The following OSBPL1A variants were observed in gnomAD, a reference collection of about 807,000 sequenced individuals.
OSBPL1A encodes oxysterol binding protein like 1A.
In OSBPL1A, 80 loss-of-function variants were observed where a neutral mutation model predicts 137.1. The ratio of observed to expected loss-of-function variants is 0.58; its 90% confidence interval spans 0.49 to 0.70. OSBPL1A has a LOEUF of 0.70. Ranked by LOEUF, OSBPL1A falls within the 30% of genes least tolerant of loss-of-function variation. The pLI, the probability that OSBPL1A is intolerant of heterozygous loss-of-function variation, is 0.00. For synonymous variants in OSBPL1A, 365 were observed against 389.7 expected, an observed-to-expected ratio of 0.94 and a Z score of 0.75; for missense variants, 970 against 1,129.4, an observed-to-expected ratio of 0.86 and a Z score of 2.02.
chr18:24,332,759 C>T (rs1362417964), intron 7 of OSBPL1A, among the ~76,000 whole-genome samples, 183 bp downstream of exon 7: 8 of 152,078 alleles, frequency 5.3e-5, no homozygotes, highest in African/African-American at 1.9e-4. Context: ...TTATCTTTTC[C>T]TTGAGGGTAG....
chr18:24,381,164 A>T (rs1906566676), intron 1 of OSBPL1A, among the ~76,000 whole-genome samples: 1 of 152,140 alleles, frequency 6.6e-6, no homozygotes, highest in South Asian at 2.1e-4. Context: ...CTTGAGCTCA[A>T]CTCTGAATAC....
intron 15 of OSBPL1A, chr18:24,272,072 C>T: frequency 1.0e-6 from 1 of 982,202 alleles, no homozygotes; most frequent in Non-Finnish European, 1.2e-6. Flanking sequence ...GCGCCGCTGG[C>T]GGGCGGAGGC....
chr18:24,311,137 C>CA (rs11423419), intron 13 of OSBPL1A, among the ~76,000 whole-genome samples: 47,275 of 151,924 alleles, frequency 0.31, 7,854 homozygotes, highest in Middle Eastern at 0.35. Flanking sequence ...TTGAAAGAGT[C>CA]AAAATACCTT....
chr18:24,206,972 T>C (rs2087392864), intron 17 of OSBPL1A, among the ~76,000 whole-genome samples: 1 of 152,220 alleles, frequency 6.6e-6, no homozygotes, highest in African/African-American at 2.4e-5. Flanking sequence ...ATTTTGCATA[T>C]GACAGGTGCT....
intron 2 of OSBPL1A, among the ~76,000 whole-genome samples, chr18:24,370,501 G>T (rs1464909110): frequency 6.6e-6 from 1 of 152,052 alleles, no homozygotes; most frequent in Non-Finnish European, 1.5e-5. Context: ...CACAAACTGT[G>T]CCTCTGTTTA....
intron 15 of OSBPL1A, among the ~76,000 whole-genome samples, chr18:24,243,989 C>T (rs2088802881): frequency 6.6e-6 from 1 of 152,166 alleles, no homozygotes; most frequent in Admixed American, 6.5e-5. Context: ...ATCACTGAAA[C>T]GATGTAATTC....
At chr18:24,252,801 C>T (rs1161323829) in intron 15 of OSBPL1A, among the ~76,000 whole-genome samples, 1 of 151,636 alleles carries the variant, frequency 6.6e-6, no homozygotes, top group Non-Finnish European at 1.5e-5. Context: ...TAAAAAGGAA[C>T]AAAAGAAGGT....
At chr18:24,394,289 A>G (rs1000426868) in intron 1 of OSBPL1A, among the ~76,000 whole-genome samples, 1 of 152,188 alleles carries the variant, frequency 6.6e-6, no homozygotes, top group Non-Finnish European at 1.5e-5. Context: ...CCATATCACC[A>G]GGTATTTATC....
intron 4 of OSBPL1A, among the ~76,000 whole-genome samples, chr18:24,365,545 C>T (rs1389339351): frequency 6.6e-6 from 1 of 151,028 alleles, no homozygotes; most frequent in Non-Finnish European, 1.5e-5. Context: ...TATCACACCA[C>T]TGCACTCCAA....
chr18:24,252,112 G>A (rs552959170), intron 15 of OSBPL1A, among the ~76,000 whole-genome samples: 59 of 152,226 alleles, frequency 3.9e-4, no homozygotes, highest in African/African-American at 1.4e-3. Flanking sequence ...CAGTGTTACT[G>A]GCCCTAAAGA....
At chr18:24,172,561 A>G in intron 21 of OSBPL1A, 78 bp from the exon 22 acceptor site, 2 of 989,028 alleles carry the variant, frequency 2.0e-6, no homozygotes, top group Non-Finnish European at 3.1e-6. Flanking sequence ...TCCAAATGCC[A>G]TTACTCAGAA....
At chr18:24,361,206 T>C (rs2091615807) in intron 4 of OSBPL1A, among the ~76,000 whole-genome samples, 1 of 152,090 alleles carries the variant, frequency 6.6e-6, no homozygotes, top group African/African-American at 2.4e-5. Context: ...ATTTTTGATT[T>C]TGTAGAAGTG....
chr18:24,262,115 G>A (rs1006301410), intron 15 of OSBPL1A, among the ~76,000 whole-genome samples: 6 of 152,086 alleles, frequency 3.9e-5, no homozygotes, highest in Admixed American at 2.0e-4. Context: ...TATAATTAGC[G>A]AAATATTTTA....
At chr18:24,297,333 T>C (rs1308642285) in intron 14 of OSBPL1A, among the ~76,000 whole-genome samples, 1 of 152,194 alleles carries the variant, frequency 6.6e-6, no homozygotes, top group African/African-American at 2.4e-5. Flanking sequence ...TGGTTTTGGT[T>C]GTAATGTCTC....
chr18:24,260,200 C>T (rs2089409427), intron 15 of OSBPL1A, among the ~76,000 whole-genome samples: 1 of 152,170 alleles, frequency 6.6e-6, no homozygotes, highest in East Asian at 1.9e-4. Context: ...GAAAGTGGAA[C>T]TTTGCATATT....
rs150234647 is a variant in OSBPL1A, at chr18:24,304,804, G to A, written c.1093-1086C>T. ...ACTCAACCACAGTAGAATTATTCAT[G>A]TTATCACATTAGTGACAGGCAATAT... On this transcript the variant is annotated intron_variant, in intron 13 of 27. Transcript: ENST00000319481. 6.2e-4 allele frequency among the ~76,000 whole-genome samples: 94 copies of A among 152,294 alleles called. No homozygotes were observed. In the Middle Eastern group the frequency reaches 0.017, roughly 28 times the overall value.
In OSBPL1A at chr18:24,354,042, A is replaced by G. The variant is rs556419342; in HGVS notation, c.283-12384T>C. ...TGTAACAAACCTGCATGTTGTGCACATGTACCCTAAAACTTAAAGTATAAT... is the reference window on the plus strand; with the variant it reads ...TGTAACAAACCTGCATGTTGTGCACGTGTACCCTAAAACTTAAAGTATAAT... On this transcript the variant is annotated intron_variant, in intron 4 of 27. Coordinates refer to ENST00000319481, the MANE Select transcript of OSBPL1A (RefSeq NM_080597.4). Among the ~76,000 whole-genome samples the G allele has an allele frequency of 1.3e-3, 204 of 152,228 alleles. 2 individuals are homozygous for G. Among genetic ancestry groups the G allele is most frequent in the South Asian group, 2.9e-3 (14 of 4,824 alleles).
chr18:24,341,452 C>T (rs1282275458), intron 5 of OSBPL1A, 95 bp downstream of exon 5: 1 of 671,840 alleles, frequency 1.5e-6, no homozygotes, highest in Non-Finnish European at 2.6e-6. Flanking sequence ...GCTGGTTATC[C>T]TCTGTTTTGT....
In OSBPL1A at chr18:24,293,125, A is replaced by AAAAAAAAAAAAAAAAAAAAAAAAG. The variant is rs200624581; in HGVS notation, c.1174+10511_1174+10512insCTTTTTTTTTTTTTTTTTTTTTTT. On this transcript the variant is annotated intron_variant, in intron 14 of 27. Coordinates refer to ENST00000319481, the MANE Select transcript of OSBPL1A (RefSeq NM_080597.4). The stretch of plus-strand genomic sequence containing the variant: ...GTCTCAAAAAAAAAAAAAAAAAAAA[A>AAAAAAAAAAAAAAAAAAAAAAAAG]AAAGAAAAGAAAAGAAAAAATTAAA... 7.7e-4 allele frequency among the ~76,000 whole-genome samples: 63 copies of AAAAAAAAAAAAAAAAAAAAAAAAG among 82,074 alleles called. 1 individual carries two copies. The highest frequency in any genetic ancestry group is 1.5e-3 in the Non-Finnish European group (53 of 35,014). 53.8% of individuals were successfully genotyped at this position (82,074 alleles called of 152,430 possible). A position where few individuals can be genotyped will look rare whatever the true frequency, so the allele number is the denominator to read the frequency against.
Sources: allele counts gnomAD v4.1 joint callset (sites outside exome capture counted in the v4.1 genomes callset), GRCh38; gene constraint gnomAD v4.1.1; transcripts MANE v1.5; gene names NCBI Gene and HGNC (gene_info 2026-07-23, HGNC 2026-07-21).